CCSER1: variants seen among roughly 807,000 people sequenced by gnomAD.
The protein encoded by CCSER1 is coiled-coil serine rich protein 1, also known as serine-rich coiled-coil domain-containing protein 1.
A neutral mutation model predicts 82.0 loss-of-function variants in CCSER1; 41 were observed. That is an observed-to-expected ratio of 0.50 (90% CI 0.39 to 0.65). The LOEUF (loss-of-function observed/expected upper bound fraction) is 0.65. CCSER1 is among the 30% of genes least tolerant of loss of function. CCSER1 has a pLI of 0.00. For synonymous variants in CCSER1, 414 were observed against 383.9 expected (o/e 1.08, Z -0.92); for missense variants, 1,119 against 1,064.2 (o/e 1.05, Z -0.72).
At chr4:91,042,367 G>A (rs1742035526) in intron 9 of CCSER1, among the ~76,000 whole-genome samples, 2 of 152,106 alleles carry the variant, frequency 1.3e-5, no homozygotes, top group Admixed American at 6.6e-5. Context: ...CCAGCCATTC[G>A]GAGTTGAACT....
chr4:91,063,619 T>A (rs975473179), intron 9 of CCSER1, among the ~76,000 whole-genome samples: 4 of 152,082 alleles, frequency 2.6e-5, no homozygotes, highest in Non-Finnish European at 5.9e-5. Flanking sequence ...TTCCCCAAAG[T>A]GAGGGTGAAG....
chr4:90,182,621 A>C (rs991884168), intron 1 of CCSER1, among the ~76,000 whole-genome samples: 2 of 152,176 alleles, frequency 1.3e-5, no homozygotes, highest in African/African-American at 4.8e-5. Context: ...TTTCTTATTT[A>C]GGCAATTGCA....
At chr4:90,480,474 T>C (rs564394632) in intron 5 of CCSER1, among the ~76,000 whole-genome samples, 3 of 152,198 alleles carry the variant, frequency 2.0e-5, no homozygotes, top group East Asian at 1.9e-4. Flanking sequence ...CTGAATGGTA[T>C]TGCCTAGGTT....
chr4:90,882,417 A>C (rs1318107458), intron 8 of CCSER1, among the ~76,000 whole-genome samples: 4 of 152,066 alleles, frequency 2.6e-5, no homozygotes, highest in South Asian at 2.1e-4. Context: ...AGACACACTT[A>C]GTATTTACTA....
At chr4:90,444,211 T>G (rs1760301163) in intron 4 of CCSER1, among the ~76,000 whole-genome samples, 1 of 152,084 alleles carries the variant, frequency 6.6e-6, no homozygotes, top group African/African-American at 2.4e-5. Context: ...AATAAGTTAC[T>G]TTAAAAGCCA....
chr4:91,143,890 A>T (rs1230202902), intron 10 of CCSER1, among the ~76,000 whole-genome samples: 1 of 152,090 alleles, frequency 6.6e-6, no homozygotes, highest in Non-Finnish European at 1.5e-5. Flanking sequence ...TATTTTATTA[A>T]GGCTTTTTGT....
chr4:90,270,590 A>G (rs572375095), intron 1 of CCSER1, among the ~76,000 whole-genome samples: 3 of 152,226 alleles, frequency 2.0e-5, no homozygotes, highest in South Asian at 4.1e-4. Context: ...GGAACATGAC[A>G]TGGATGTTCA....
intron 5 of CCSER1, among the ~76,000 whole-genome samples, chr4:90,611,927 A>G (rs1473699070): frequency 1.3e-5 from 2 of 151,536 alleles, no homozygotes; most frequent in Non-Finnish European, 2.9e-5. Flanking sequence ...CACATTTATT[A>G]TAGAAACTTT....
At chr4:90,830,948 AT>A in intron 8 of CCSER1, among the ~76,000 whole-genome samples, 2 of 152,176 alleles carry the variant, frequency 1.3e-5, no homozygotes, top group Non-Finnish European at 2.9e-5. Flanking sequence ...GTCCTTTTTC[AT>A]GTTAATCTGT....
intron 10 of CCSER1, among the ~76,000 whole-genome samples, chr4:91,140,215 G>A (rs1444845076): frequency 1.3e-5 from 2 of 151,408 alleles, no homozygotes; most frequent in African/African-American, 4.8e-5. Flanking sequence ...TTTATATTTG[G>A]TAATATAGTA....
chr4:91,240,082 T>A (rs1581826107), intron 10 of CCSER1, among the ~76,000 whole-genome samples: 1 of 63,136 alleles, frequency 1.6e-5, no homozygotes, highest in Non-Finnish European at 3.0e-5. Flanking sequence ...TACATTTTTT[T>A]TTTTTTTTTT....
intron 8 of CCSER1, among the ~76,000 whole-genome samples, chr4:90,875,003 A>G (rs1299410305): frequency 2.0e-5 from 3 of 152,080 alleles, no homozygotes; most frequent in East Asian, 3.9e-4. Context: ...CTGAGATTGC[A>G]CCATTGCACA....
chr4:90,480,495 G>GT (rs1458367794), intron 5 of CCSER1, among the ~76,000 whole-genome samples: 11 of 152,100 alleles, frequency 7.2e-5, no homozygotes, highest in Non-Finnish European at 1.3e-4. Context: ...TTCTTCTAGG[G>GT]TTTTTATGGT....
intron 4 of CCSER1, among the ~76,000 whole-genome samples, chr4:90,460,713 C>A (rs1762788835): frequency 6.6e-6 from 1 of 152,122 alleles, no homozygotes; most frequent in Non-Finnish European, 1.5e-5. Context: ...AAATTGTAAA[C>A]TAAATTGTCT....
intron 6 of CCSER1, chr4:90,693,357 CA>C (rs1185092467): frequency 6.6e-6 from 1 of 151,610 alleles, no homozygotes; most frequent in Non-Finnish European, 1.5e-5. Flanking sequence ...CAATTCTTAC[CA>C]CAAATTCACA....
chr4:90,656,786 T>A (rs1177710544), intron 6 of CCSER1, among the ~76,000 whole-genome samples: 1 of 152,024 alleles, frequency 6.6e-6, no homozygotes, highest in African/African-American at 2.4e-5. Context: ...TATTACTTTG[T>A]TAGTTATGCA....
Position 91,191,638 on chromosome 4 carries a change from A to G in CCSER1, c.2217+105644A>G, listed in dbSNP as rs561401685. 4.9e-4 allele frequency among the ~76,000 whole-genome samples: 75 copies of G among 152,172 alleles called. 1 individual carries two copies. The highest frequency in any genetic ancestry group is 1.6e-4 in the Non-Finnish European group (11 of 68,032). Reference sequence around the variant, plus strand: ...ATTTTCCAGAGACACAGTCGGTTCCAAGGCAGGTTCCACAGTTTCAGGGAA... The same window carrying G: ...ATTTTCCAGAGACACAGTCGGTTCCGAGGCAGGTTCCACAGTTTCAGGGAA... On this transcript the variant is annotated intron_variant, in intron 10 of 10. Transcript: ENST00000509176.
chr4:90,288,107 G>A (rs1330546969), intron 1 of CCSER1, among the ~76,000 whole-genome samples: 2 of 151,884 alleles, frequency 1.3e-5, no homozygotes, highest in Non-Finnish European at 2.9e-5. Flanking sequence ...CGAGAATGTC[G>A]TTATCTCTCC....
rs140471055 is a variant in CCSER1, at chr4:90,546,770, T to G, written c.1724+78416T>G. Among the ~76,000 whole-genome samples the G allele has an allele frequency of 7.8e-3, 1,186 of 152,240 alleles. 40 individuals are homozygous for G. The highest frequency in any genetic ancestry group is 0.058 in the Admixed American group (881 of 15,278). On this transcript the variant is annotated intron_variant, in intron 5 of 10. Coordinates refer to ENST00000509176, the MANE Select transcript of CCSER1 (RefSeq NM_001145065.2). ...TAGCATCCCCTAAATATGAGAATCA[T>G]CTACTTAAGGAACTTGAAATTCCTG... is the stretch of plus-strand genomic sequence containing the variant.
Sources: gnomAD v4.1 joint callset for allele counts (sites outside exome capture counted in the v4.1 genomes callset) on GRCh38, gnomAD v4.1.1 for gene constraint, MANE v1.5 for transcripts, NCBI Gene and HGNC (gene_info 2026-07-23, HGNC 2026-07-21) for gene names.